The following CLEC2L variants were observed in gnomAD, a reference collection of about 807,000 sequenced individuals.
CLEC2L encodes C-type lectin domain family 2 member L, also known as C-type lectin domain family 2, member L.
CLEC2L carries 14 observed loss-of-function variants against 23.6 expected under a neutral mutation model. The observed-to-expected ratio is 0.59, with a 90% CI of 0.39 to 0.93. The LOEUF (loss-of-function observed/expected upper bound fraction) is 0.93. Among genes scored for constraint, CLEC2L ranks in the 40% least tolerant of loss-of-function variants. The pLI, the probability that CLEC2L is intolerant of heterozygous loss-of-function variation, is 0.00. For missense variants in CLEC2L, 264 were observed against 282.4 expected, an observed-to-expected ratio of 0.93 and a Z score of 0.47; for synonymous variants, 114 against 121.3, an observed-to-expected ratio of 0.94 and a Z score of 0.40.
intron 1 of CLEC2L, among the ~76,000 whole-genome samples, chr7:139,532,825 C>T (rs1003645820): frequency 6.6e-6 from 1 of 152,296 alleles, no homozygotes; most frequent in Admixed American, 6.5e-5. Flanking sequence ...CTGATCCAGC[C>T]TCTAGAACTA....
intron 1 of CLEC2L, chr7:139,534,555 A>T: frequency 4.0e-6 from 3 of 745,438 alleles, no homozygotes; most frequent in Non-Finnish European, 5.0e-6. Context: ...CTGATAAATA[A>T]TTGTATTGGA....
At chr7:139,538,534 G>T (rs1797691371) in intron 2 of CLEC2L, among the ~76,000 whole-genome samples, 1 of 151,726 alleles carries the variant, frequency 6.6e-6, no homozygotes, top group Admixed American at 6.6e-5. Flanking sequence ...GGATCACAAG[G>T]TCAGGAGTTC....
chr7:139,535,835 A>G (rs1797645740), intron 1 of CLEC2L, among the ~76,000 whole-genome samples: 1 of 152,208 alleles, frequency 6.6e-6, no homozygotes, highest in Non-Finnish European at 1.5e-5. Context: ...GACCGCATAG[A>G]GAAGCAGCAG....
At chr7:139,536,976 CAAAAAAAAAA>C (rs1159255018) in intron 2 of CLEC2L, among the ~76,000 whole-genome samples, 6 of 37,308 alleles carry the variant, frequency 1.6e-4, no homozygotes, top group Admixed American at 2.8e-4. Context: ...GACTCCATCT[CAAAAAAAAAA>C]AAAAAAAAAA....
At chr7:139,537,939 A>T (rs1283980816) in intron 2 of CLEC2L, among the ~76,000 whole-genome samples, 3 of 152,218 alleles carry the variant, frequency 2.0e-5, no homozygotes, top group Non-Finnish European at 4.4e-5. Flanking sequence ...CTTTTAAGAG[A>T]TTCAAATACA....
intron 1 of CLEC2L, 64 bp downstream of exon 1, chr7:139,524,181 C>A: frequency 8.9e-7 from 1 of 1,118,756 alleles, no homozygotes; most frequent in South Asian, 4.3e-5. Context: ...ACCCGCGACC[C>A]GGAGGCGGTC....
At chr7:139,534,946 A>G (rs1797631332) in intron 1 of CLEC2L, among the ~76,000 whole-genome samples, 1 of 150,842 alleles carries the variant, frequency 6.6e-6, no homozygotes, top group South Asian at 2.1e-4. Flanking sequence ...GTAAAAATAA[A>G]TAAGTGTTCT....
intron 1 of CLEC2L, among the ~76,000 whole-genome samples, chr7:139,524,965 T>C (rs1044040204): frequency 1.3e-5 from 2 of 152,064 alleles, no homozygotes; most frequent in Non-Finnish European, 2.9e-5. Context: ...GTAGGTGACC[T>C]CTTAGCAGGC....
chr7:139,542,954 G>GA (rs1373068613), intron 4 of CLEC2L, among the ~76,000 whole-genome samples: 2 of 152,184 alleles, frequency 1.3e-5, no homozygotes, highest in African/African-American at 2.4e-5. Context: ...AATAGGCTCT[G>GA]AGGTGCCAGC....
chr7:139,533,451 G>A (rs1797608260), intron 1 of CLEC2L, among the ~76,000 whole-genome samples: 1 of 152,176 alleles, frequency 6.6e-6, no homozygotes, highest in Non-Finnish European at 1.5e-5. Context: ...CGCCTCCTGA[G>A]TTCAATCGAT....
intron 1 of CLEC2L, among the ~76,000 whole-genome samples, chr7:139,532,430 G>A (rs1797594153): frequency 6.6e-6 from 1 of 152,162 alleles, no homozygotes; most frequent in African/African-American, 2.4e-5. Flanking sequence ...TAGGAGAGAG[G>A]CAGAGAAATC....
intron 1 of CLEC2L, among the ~76,000 whole-genome samples, chr7:139,524,691 C>G (rs367829394): frequency 5.1e-4 from 77 of 152,282 alleles, no homozygotes; most frequent in African/African-American, 1.8e-3. Context: ...TGGCCTGCCT[C>G]CGGGGCAGTA....
intron 1 of CLEC2L, among the ~76,000 whole-genome samples, chr7:139,535,642 A>G (rs1204166657): frequency 6.6e-6 from 1 of 152,228 alleles, no homozygotes; most frequent in Non-Finnish European, 1.5e-5. Flanking sequence ...TAAAATAAAT[A>G]CATGAAAATA....
rs1797781182 is a variant in CLEC2L, at chr7:139,544,478, CTCTCCCAGGCCCT to C, written c.*137_*149del. On this transcript the variant is annotated 3_prime_UTR_variant, in exon 5 of 5. Coordinates refer to ENST00000422142, the MANE Select transcript of CLEC2L (RefSeq NM_001080511.4). The stretch of plus-strand genomic sequence containing the variant: ...GGTGCGTGGCCTCCGCCCCAGGCCC[CTCTCCCAGGCCCT>C]GGCGCTCTGAGTCCCTGGTTCCTGG... 3 of 625,318 alleles carry C rather than the reference CTCTCCCAGGCCCT, an allele frequency of 4.8e-6. No homozygotes were observed. In the South Asian group the frequency reaches 5.9e-5, roughly 12 times the overall value. 38.7% of individuals were successfully genotyped at this position (625,318 alleles called of 1,614,324 possible).
At position 139,539,148 on chromosome 7, in the gene CLEC2L, A is replaced by T. The variant is rs895529622; in HGVS notation, c.266-1173A>T. The T allele has an allele frequency of 6.6e-6, 1 of 152,216 alleles. No homozygotes were observed. The highest frequency in any genetic ancestry group is 1.5e-5 in the Non-Finnish European group (1 of 68,036). 9.4% of individuals were successfully genotyped at this position (152,216 alleles called of 1,614,324 possible). On this transcript the variant is annotated intron_variant, in intron 2 of 4. Coordinates refer to ENST00000422142, the MANE Select transcript of CLEC2L (RefSeq NM_001080511.4). This position sits in a 1 kb window ranked among gnomAD's most constrained non-coding sequence, Gnocchi z 4.1. ...CATTTTAATCAATCACTTGTATGAA[A>T]ACAAACAAAAAGTATGCTTATGGAA...
intron 1 of CLEC2L, among the ~76,000 whole-genome samples, chr7:139,530,301 C>T (rs994424097): frequency 3.9e-5 from 6 of 152,062 alleles, no homozygotes; most frequent in African/African-American, 1.2e-4. Context: ...AGTGGATAAA[C>T]GGTAACTGAC....
chr7:139,536,976 C>CAA (rs1159255018), intron 2 of CLEC2L, among the ~76,000 whole-genome samples: 429 of 35,998 alleles, frequency 0.012, 10 homozygotes, highest in African/African-American at 0.015. Context: ...GACTCCATCT[C>CAA]AAAAAAAAAA....
chr7:139,544,101 T>C (rs1442626441), intron 4 of CLEC2L, 130 bp from the exon 5 acceptor site: 1 of 660,594 alleles, frequency 1.5e-6, no homozygotes, highest in East Asian at 2.7e-5. Flanking sequence ...GGCCCAAATG[T>C]CCTAGAAGGC....
chr7:139,524,087 G>T lies in CLEC2L; in HGVS notation c.160G>T (p.Gly54Cys). Residue 54 changes from glycine (G) to cysteine (C), a missense_variant, in exon 1 of 5, where the codon GGC becomes TGC. By Grantham distance (159) the Gly-to-Cys change is radical (BLOSUM62 -3). Coordinates refer to ENST00000422142, the MANE Select transcript of CLEC2L (RefSeq NM_001080511.4). ...LLRRSGSGYEGSTSWKAALED... is the reference protein window; with the variant it reads ...LLRRSGSGYECSTSWKAALED... ...GCGGCGATCCGGGTCGGGCTACGAGGGCAGCACCAGCTGGAAGGCGGCCTT... is the reference window on the plus strand; with the variant it reads ...GCGGCGATCCGGGTCGGGCTACGAGTGCAGCACCAGCTGGAAGGCGGCCTT... 8.1e-7 allele frequency: 1 copy of T among 1,227,582 alleles called. No individual in the cohort carries two copies. 76.0% of individuals were successfully genotyped at this position (1,227,582 alleles called of 1,614,324 possible). A position where few individuals can be genotyped will look rare whatever the true frequency, so the allele number is the denominator to read the frequency against.
Sources: gnomAD v4.1 joint callset for allele counts (sites outside exome capture counted in the v4.1 genomes callset) on GRCh38, gnomAD v4.1.1 for gene constraint, Gnocchi (gnomAD v3.1) non-coding constraint, MANE v1.5 for transcripts, NCBI Gene and HGNC (gene_info 2026-07-23, HGNC 2026-07-21) for gene names.